The following DEFB119 variants were observed in gnomAD, a reference collection of about 807,000 sequenced individuals.
The protein encoded by DEFB119 is defensin beta 119.
DEFB119 carries 3 observed loss-of-function variants against 2.5 expected under a neutral mutation model. The ratio of observed to expected loss-of-function variants is 1.19; its 90% CI spans 0.54 to 3.07. DEFB119 has a LOEUF of 3.07. DEFB119 is among the 30% of genes most tolerant of loss of function. The pLI, the probability that DEFB119 is intolerant of heterozygous loss-of-function variation, is 0.03. For missense variants in DEFB119, 113 were observed against 101.1 expected (o/e 1.12, Z -0.50); for synonymous variants, 29 against 33.7 (o/e 0.86, Z 0.48).
At chr20:31,387,303 G>T (rs984126625) in intron 1 of DEFB119, among the ~76,000 whole-genome samples, 2 of 152,136 alleles carry the variant, frequency 1.3e-5, no homozygotes, top group Non-Finnish European at 2.9e-5. Context: ...TTCTTTAAAA[G>T]AAATGGGTTA....
intron 1 of DEFB119, among the ~76,000 whole-genome samples, chr20:31,384,028 T>C (rs1986601113): frequency 6.6e-6 from 1 of 152,124 alleles, no homozygotes; most frequent in Non-Finnish European, 1.5e-5. Context: ...CTCTTTTTCT[T>C]CATAAATTAC....
At chr20:31,386,535 G>A (rs771897960) in intron 1 of DEFB119, among the ~76,000 whole-genome samples, 2 of 152,242 alleles carry the variant, frequency 1.3e-5, no homozygotes, top group Non-Finnish European at 2.9e-5. Flanking sequence ...TGAGCATGAT[G>A]TTAAGTGAAA....
At chr20:31,387,919 G>T (rs1341037500) in intron 1 of DEFB119, among the ~76,000 whole-genome samples, 1 of 152,150 alleles carries the variant, frequency 6.6e-6, no homozygotes, top group Non-Finnish European at 1.5e-5. Context: ...GAGTCTAAGG[G>T]CAGAAATATT....
chr20:31,387,662 C>A (rs1191371903), intron 1 of DEFB119, among the ~76,000 whole-genome samples: 1 of 152,162 alleles, frequency 6.6e-6, no homozygotes, highest in Non-Finnish European at 1.5e-5. Context: ...GATGCTTCTC[C>A]TGCCTAGGGG....
chr20:31,381,861 A>G (rs1312859883), intron 1 of DEFB119, among the ~76,000 whole-genome samples: 2 of 152,164 alleles, frequency 1.3e-5, no homozygotes, highest in Non-Finnish European at 2.9e-5. Flanking sequence ...GCCAATCACA[A>G]ACTCTCACAT....
intron 1 of DEFB119, among the ~76,000 whole-genome samples, chr20:31,384,099 C>G (rs186389655): frequency 1.4e-4 from 22 of 152,220 alleles, no homozygotes; most frequent in Non-Finnish European, 2.2e-4. Context: ...GATAAGGATA[C>G]ATTTAGATAT....
chr20:31,378,387 C>T (rs1358516359), intron 1 of DEFB119: 10 of 1,614,012 alleles, frequency 6.2e-6, no homozygotes, highest in Admixed American at 1.7e-5. Context: ...CTGTCCTCAC[C>T]AGAGCTGTAT....
At chr20:31,389,802 A>G (rs1986857228) in intron 1 of DEFB119, among the ~76,000 whole-genome samples, 1 of 151,812 alleles carries the variant, frequency 6.6e-6, no homozygotes, top group Non-Finnish European at 1.5e-5. Flanking sequence ...CCAAGCCCCA[A>G]CTCCAAGCCA....
chr20:31,386,358 CTG>C (rs1296979616), intron 1 of DEFB119, among the ~76,000 whole-genome samples: 4 of 152,126 alleles, frequency 2.6e-5, no homozygotes, highest in Non-Finnish European at 5.9e-5. Context: ...AGCAGCAAAA[CTG>C]TGAAAAGATT....
At chr20:31,384,708 T>C (rs1380646203) in intron 1 of DEFB119, among the ~76,000 whole-genome samples, 1 of 152,210 alleles carries the variant, frequency 6.6e-6, no homozygotes, top group Non-Finnish European at 1.5e-5. Flanking sequence ...TCAGCTGAGA[T>C]CCCTCCATTC....
intron 1 of DEFB119, chr20:31,389,034 A>G: frequency 6.2e-7 from 1 of 1,614,040 alleles, no homozygotes. Flanking sequence ...TCTATCTATT[A>G]GTTATATTTG....
intron 1 of DEFB119, among the ~76,000 whole-genome samples, chr20:31,379,257 C>T (rs1986418158): frequency 6.6e-6 from 1 of 152,046 alleles, no homozygotes; most frequent in Admixed American, 6.6e-5. Flanking sequence ...CATTAAAAGA[C>T]AAAATAATGG....
chr20:31,387,965 A>T (rs1986775067), intron 1 of DEFB119: 1 of 729,928 alleles, frequency 1.4e-6, no homozygotes, highest in Non-Finnish European at 1.7e-6. Context: ...GATGATAATG[A>T]ACTCCTTCTG....
At chr20:31,383,932 C>G (rs1310176259) in intron 1 of DEFB119, among the ~76,000 whole-genome samples, 1 of 152,136 alleles carries the variant, frequency 6.6e-6, no homozygotes, top group East Asian at 1.9e-4. Flanking sequence ...CTTTTGCCTG[C>G]CATCATGTAA....
chr20:31,382,691 C>T (rs536300186), intron 1 of DEFB119, among the ~76,000 whole-genome samples: 1 of 152,182 alleles, frequency 6.6e-6, no homozygotes, highest in Non-Finnish European at 1.5e-5. Context: ...TTTGTGCCCC[C>T]ACCAGATCCA....
At chr20:31,383,290 T>A (rs1986566220) in intron 1 of DEFB119, among the ~76,000 whole-genome samples, 1 of 152,270 alleles carries the variant, frequency 6.6e-6, no homozygotes. Context: ...ATGCCTGTAA[T>A]CCTAGCACTT....
At chr20:31,377,747 GT>G (rs1348496529) in intron 1 of DEFB119, among the ~76,000 whole-genome samples, 3 of 152,154 alleles carry the variant, frequency 2.0e-5, no homozygotes, top group African/African-American at 7.2e-5. Context: ...AATTCCCTGG[GT>G]TTTCTTTTTG....
chr20:31,389,955 C>A (rs1352890348), intron 1 of DEFB119, among the ~76,000 whole-genome samples: 2 of 152,098 alleles, frequency 1.3e-5, no homozygotes, highest in Admixed American at 6.6e-5. Context: ...CCAGCCTAAT[C>A]CTCAACACCA....
At chr20:31,389,315 A>G (rs1986838197) in intron 1 of DEFB119, 2 of 1,582,780 alleles carry the variant, frequency 1.3e-6, no homozygotes, top group Admixed American at 1.7e-5. Flanking sequence ...GAACAGGAGG[A>G]CAGGGAAGAA....
Sources: allele counts gnomAD v4.1 joint callset (sites outside exome capture counted in the v4.1 genomes callset), GRCh38; gene constraint gnomAD v4.1.1; transcripts MANE v1.5; gene names NCBI Gene and HGNC (gene_info 2026-07-23, HGNC 2026-07-21).